Variants in MKNK1 observed in about 807,000 individuals in gnomAD.
MKNK1 encodes MAPK interacting serine/threonine kinase 1.
In MKNK1, 30 loss-of-function variants were observed where a neutral mutation model predicts 49.3. That is an observed-to-expected ratio of 0.61 (90% CI 0.46 to 0.83). The LOEUF (loss-of-function observed/expected upper bound fraction) is 0.83. MKNK1 is among the 40% of genes least tolerant of loss of function. The probability of loss-of-function intolerance (pLI) is 0.00; values close to 1 mark genes in which losing one functional copy is unlikely to be tolerated. For synonymous variants in MKNK1, 176 were observed against 201.7 expected, an observed-to-expected ratio of 0.87 and a Z score of 1.08; for missense variants, 423 against 524.7, an observed-to-expected ratio of 0.81 and a Z score of 1.89.
At chr1:46,597,080 C>T (rs1328975622) in intron 1 of MKNK1, among the ~76,000 whole-genome samples, 2 of 152,142 alleles carry the variant, frequency 1.3e-5, no homozygotes, top group Non-Finnish European at 2.9e-5. Context: ...GGAGCCCTCT[C>T]CTCATTCCTG....
chr1:46,558,964 A>G (rs1338851068), intron 12 of MKNK1, among the ~76,000 whole-genome samples, 164 bp from the exon 13 acceptor site: 1 of 152,184 alleles, frequency 6.6e-6, no homozygotes, highest in Admixed American at 6.5e-5. Flanking sequence ...TAGGTTTGGA[A>G]TCTTTCTTGA....
chr1:46,580,323 T>C (rs1156904582), intron 4 of MKNK1: 1 of 563,386 alleles, frequency 1.8e-6, no homozygotes, highest in Non-Finnish European at 3.2e-6. Context: ...TCTAGTATTA[T>C]ACCCATTTTA....
chr1:46,560,338 C>T, intron 11 of MKNK1, 61 bp from the exon 12 acceptor site: 2 of 1,571,718 alleles, frequency 1.3e-6, no homozygotes, highest in Non-Finnish European at 8.8e-7. Flanking sequence ...AGAACTGCCC[C>T]ACCCAAGCCA....
intron 3 of MKNK1, among the ~76,000 whole-genome samples, chr1:46,581,852 C>T (rs1027236637): frequency 2.0e-5 from 3 of 152,002 alleles, no homozygotes; most frequent in Admixed American, 6.6e-5. Context: ...GATGACCTGC[C>T]CAAGCTCACA....
At chr1:46,586,209 G>A (rs114159561) in intron 2 of MKNK1, 3,149 of 310,860 alleles carry the variant, frequency 0.01, 28 homozygotes, top group Non-Finnish European at 0.013. Context: ...TGGGACCCCC[G>A]CAGTAAAGCT....
chr1:46,595,521 AG>A (rs1673949051), intron 1 of MKNK1, among the ~76,000 whole-genome samples: 1 of 152,060 alleles, frequency 6.6e-6, no homozygotes, highest in Non-Finnish European at 1.5e-5. Flanking sequence ...TTGCATTACC[AG>A]CATCTAACAT....
At chr1:46,576,413 T>C (rs1226356189) in intron 5 of MKNK1, 162 bp downstream of exon 5, 1 of 606,614 alleles carries the variant, frequency 1.6e-6, no homozygotes, top group Non-Finnish European at 3.0e-6. Context: ...ACTGCTGCTT[T>C]TCCTTTCTCT....
chr1:46,562,933 T>C (rs1668304220), intron 9 of MKNK1, 90 bp from the exon 10 acceptor site: 1 of 1,118,602 alleles, frequency 8.9e-7, no homozygotes, highest in Non-Finnish European at 1.3e-6. Flanking sequence ...CAGACTGTGA[T>C]GGGACTGGAG....
intron 1 of MKNK1, among the ~76,000 whole-genome samples, chr1:46,600,955 C>T (rs974392759): frequency 6.6e-6 from 1 of 151,474 alleles, no homozygotes; most frequent in Non-Finnish European, 1.5e-5. Context: ...CTCACTCTGT[C>T]GCCCAGGCTG....
At position 46,565,017 on chromosome 1, in the gene MKNK1, G is replaced by C. The variant is rs1272311186; in HGVS notation, c.609+24C>G. The C allele has an allele frequency of 2.5e-6, 4 of 1,603,650 alleles. No individual in the cohort carries two copies. The African/African-American group carries it at 5.4e-5, about 21-fold the overall frequency. ...ATCAGGGAAACACTCCAAATACTTA[G>C]GAGCCCAGAGGAAGCATACGTACTG... On this transcript the variant is annotated intron_variant, in intron 9 of 12. Transcript: ENST00000371945.
chr1:46,599,545 T>C (rs1250205882), intron 1 of MKNK1, among the ~76,000 whole-genome samples: 1 of 152,226 alleles, frequency 6.6e-6, no homozygotes, highest in Non-Finnish European at 1.5e-5. Context: ...GCTTCCAAAC[T>C]AGGCCAGTGA....
At chr1:46,563,337 A>T (rs1322813895) in intron 9 of MKNK1, among the ~76,000 whole-genome samples, 2 of 151,822 alleles carry the variant, frequency 1.3e-5, no homozygotes, top group Admixed American at 6.6e-5. Flanking sequence ...CAACCTTCCC[A>T]CCCCTCCCAT....
Position 46,561,659 on chromosome 1 carries a change from C to A in MKNK1, c.805-17G>T. On this transcript the variant is annotated splice_polypyrimidine_tract_variant and intron_variant, in intron 10 of 12. Transcript: ENST00000371945. Reference sequence around the variant, plus strand: ...CAGCTTGTTCTAGGTACAAAAGATTCCTCCTGAGGCCACACTGCCAGGGAT... The same window carrying A: ...CAGCTTGTTCTAGGTACAAAAGATTACTCCTGAGGCCACACTGCCAGGGAT... 1.2e-6 allele frequency: 2 copies of A among 1,611,708 alleles called. No individual in the cohort carries two copies. The highest frequency in any genetic ancestry group is 1.7e-5 in the Admixed American group (1 of 59,604).
Position 46,568,538 on chromosome 1 carries a change from G to C in MKNK1, c.458-40C>G, listed in dbSNP as rs2273935. The C allele has an allele frequency of 4.0e-3, 6,282 of 1,573,038 alleles. 144 individuals are homozygous for C. In the Admixed American group the frequency reaches 0.043, roughly 11 times the overall value. ...AGCAAAAAAATGGTTAACATATGCAGATAATTATCAAACATTCCACACACA... is the reference window on the plus strand; with the variant it reads ...AGCAAAAAAATGGTTAACATATGCACATAATTATCAAACATTCCACACACA... On this transcript the variant is annotated intron_variant, in intron 7 of 12. Transcript: ENST00000371945.
intron 7 of MKNK1, chr1:46,569,281 G>A (rs1669663585): frequency 6.6e-6 from 1 of 152,278 alleles, no homozygotes; most frequent in Non-Finnish European, 1.5e-5. Context: ...CCTCCTGAAG[G>A]CGACTGGAGA....
intron 2 of MKNK1, among the ~76,000 whole-genome samples, chr1:46,588,669 A>C (rs1258024): frequency 6.6e-6 from 1 of 151,902 alleles, no homozygotes; most frequent in Non-Finnish European, 1.5e-5. Context: ...TAGCCGGGCG[A>C]GGTGGCGGGC....
chr1:46,581,384 C>T lies in MKNK1; in HGVS notation c.101-757G>A, dbSNP rs149503414. Among the ~76,000 whole-genome samples the T allele has an allele frequency of 8.3e-3, 1,266 of 151,882 alleles. 17 individuals carry two copies. The highest frequency in any genetic ancestry group is 0.01 in the Non-Finnish European group (712 of 67,932). On this transcript the variant is annotated intron_variant, in intron 3 of 12. Coordinates refer to ENST00000371945, the MANE Select transcript of MKNK1 (RefSeq NM_001135553.4). Reference sequence around the variant, plus strand: ...AATTAGCTGGGTGTGGTGGCACGCGCCTAAAGTCCCAGCTATTTCGGGGGC... The same window carrying T: ...AATTAGCTGGGTGTGGTGGCACGCGTCTAAAGTCCCAGCTATTTCGGGGGC...
chr1:46,587,782 A>C (rs1570276203), intron 2 of MKNK1, among the ~76,000 whole-genome samples: 1 of 151,998 alleles, frequency 6.6e-6, no homozygotes, highest in Admixed American at 6.6e-5. Context: ...GCACCATTGC[A>C]CTCCAGCCTG....
At chr1:46,564,940 G>T (rs762239702) in intron 9 of MKNK1, 101 bp downstream of exon 9, 3 of 1,117,710 alleles carry the variant, frequency 2.7e-6, no homozygotes, top group Non-Finnish European at 2.7e-6. Flanking sequence ...AGGAAGATAG[G>T]TCCACTTGGT....
Sources: allele counts gnomAD v4.1 joint callset (sites outside exome capture counted in the v4.1 genomes callset), GRCh38; gene constraint gnomAD v4.1.1; transcripts MANE v1.5; gene names NCBI Gene and HGNC (gene_info 2026-07-23, HGNC 2026-07-21).